Variants in INSR observed in about 807,000 individuals in gnomAD.
The protein encoded by INSR is IR.
In INSR, 67 loss-of-function variants were observed where a neutral mutation model predicts 142.6. The ratio of observed to expected loss-of-function variants is 0.47; its 90% CI spans 0.39 to 0.58. The LOEUF (loss-of-function observed/expected upper bound fraction) is 0.58, where lower values mean the gene tolerates loss of function less well. Among genes scored for constraint, INSR ranks in the 20% least tolerant of loss-of-function variants. The pLI is 0.00. For synonymous variants in INSR, 756 were observed against 743.1 expected (o/e 1.02, Z -0.28); for missense variants, 1,248 against 1,833.2 (o/e 0.68, Z 5.83).
At chr19:7,196,627 A>AT (rs1974754657) in intron 2 of INSR, among the ~76,000 whole-genome samples, 1 of 152,202 alleles carries the variant, frequency 6.6e-6, no homozygotes, top group Non-Finnish European at 1.5e-5. Flanking sequence ...AAGGTATGTG[A>AT]TAAAAAACAA....
At chr19:7,197,256 A>G (rs1974774990) in intron 2 of INSR, among the ~76,000 whole-genome samples, 1 of 152,260 alleles carries the variant, frequency 6.6e-6, no homozygotes, top group Non-Finnish European at 1.5e-5. Context: ...TAGAGGCTAG[A>G]AAGGGAACAG....
intron 2 of INSR, among the ~76,000 whole-genome samples, chr19:7,250,832 A>G (rs531304739): frequency 6.0e-4 from 91 of 152,216 alleles, no homozygotes; most frequent in African/African-American, 2.0e-3. Context: ...CAAGAGGTAG[A>G]ACCTGAGTGT....
chr19:7,271,338 A>G (rs1236211141), intron 1 of INSR, among the ~76,000 whole-genome samples: 2 of 151,894 alleles, frequency 1.3e-5, no homozygotes. Context: ...TCTACTAAAA[A>G]TACAAAAAAC....
intron 2 of INSR, among the ~76,000 whole-genome samples, chr19:7,221,327 T>C (rs1461898028): frequency 6.6e-6 from 1 of 151,080 alleles, no homozygotes; most frequent in Non-Finnish European, 1.5e-5. Flanking sequence ...TGAGCTGAGA[T>C]TGTGCCACTG....
chr19:7,240,719 T>C (rs1296462664), intron 2 of INSR, among the ~76,000 whole-genome samples: 10 of 152,170 alleles, frequency 6.6e-5, no homozygotes, highest in Non-Finnish European at 1.5e-4. Context: ...ATGATAGCAG[T>C]GGAAGAAAAT....
chr19:7,193,262 G>A (rs1019597355), intron 2 of INSR, among the ~76,000 whole-genome samples: 1 of 151,920 alleles, frequency 6.6e-6, no homozygotes, highest in Non-Finnish European at 1.5e-5. Context: ...AGGCTAAGGA[G>A]GCTAAGCCTG....
intron 9 of INSR, among the ~76,000 whole-genome samples, chr19:7,153,405 CACACTT>C: frequency 6.1e-5 from 1 of 16,458 alleles, no homozygotes; most frequent in African/African-American, 2.2e-4. Context: ...ACACCACATA[CACACTT>C]CACACACACC....
At chr19:7,265,993 T>C (rs924245922) in intron 2 of INSR, among the ~76,000 whole-genome samples, 18 of 152,140 alleles carry the variant, frequency 1.2e-4, no homozygotes, top group Non-Finnish European at 2.5e-4. Context: ...TTGCAAAAGC[T>C]ACTGAGGTAC....
intron 2 of INSR, among the ~76,000 whole-genome samples, chr19:7,234,095 G>T (rs1218796289): frequency 6.6e-6 from 1 of 151,988 alleles, no homozygotes; most frequent in African/African-American, 2.4e-5. Context: ...TAGTAGAGAT[G>T]GGGTTTCACT....
intron 11 of INSR, among the ~76,000 whole-genome samples, chr19:7,147,146 G>T (rs1366452360): frequency 1.3e-5 from 2 of 151,736 alleles, no homozygotes; most frequent in African/African-American, 4.8e-5. Context: ...TTTCTGCTTT[G>T]GCCCGATAGA....
chr19:7,290,812 C>T (rs1279064868), intron 1 of INSR, among the ~76,000 whole-genome samples: 2 of 150,702 alleles, frequency 1.3e-5, no homozygotes, highest in African/African-American at 4.9e-5. Flanking sequence ...TGGCTCACTC[C>T]TGTAATCCCA....
intron 2 of INSR, among the ~76,000 whole-genome samples, chr19:7,213,104 G>A (rs968498994): frequency 9.2e-5 from 14 of 152,082 alleles, no homozygotes; most frequent in Non-Finnish European, 1.3e-4. Context: ...CCAGCACTTT[G>A]GGAGGCCGAA....
At chr19:7,186,628 C>A (rs770217872) in intron 2 of INSR, among the ~76,000 whole-genome samples, 4 of 152,092 alleles carry the variant, frequency 2.6e-5, no homozygotes, top group Non-Finnish European at 5.9e-5. Flanking sequence ...TGAAACTCTG[C>A]CCCCATGAAA....
At chr19:7,144,019 C>A (rs1367007935) in intron 11 of INSR, among the ~76,000 whole-genome samples, 2 of 150,030 alleles carry the variant, frequency 1.3e-5, no homozygotes, top group African/African-American at 2.5e-5. Context: ...CGTGTCACTG[C>A]ACTCCAGCCT....
intron 2 of INSR, among the ~76,000 whole-genome samples, chr19:7,238,962 C>CAAAAAAAAAAAAAAAAAAAAAAAAA (rs71177185): frequency 1.3e-5 from 1 of 77,892 alleles, no homozygotes. Flanking sequence ...GATGAATTCT[C>CAAAAAAAAAAAAAAAAAAAAAAAAA]AAAAAAAAAA....
chr19:7,241,796 G>A (rs1442835216), intron 2 of INSR, among the ~76,000 whole-genome samples: 3 of 152,130 alleles, frequency 2.0e-5, no homozygotes, highest in Non-Finnish European at 1.5e-5. Context: ...TCCCCACCAC[G>A]GAGAGGGGTT....
intron 2 of INSR, among the ~76,000 whole-genome samples, chr19:7,259,827 A>G (rs1325672362): frequency 6.6e-6 from 1 of 151,786 alleles, no homozygotes; most frequent in East Asian, 1.9e-4. Flanking sequence ...TCAAAAAAAA[A>G]AAAAAGAAAA....
chr19:7,172,889 A>AAAT (rs1974052019), intron 4 of INSR, among the ~76,000 whole-genome samples: 1 of 151,576 alleles, frequency 6.6e-6, no homozygotes, highest in Non-Finnish European at 1.5e-5. Context: ...AAAAAAAAAA[A>AAAT]AAAATAGCAA....
At chr19:7,276,702 C>T (rs1443047615) in intron 1 of INSR, among the ~76,000 whole-genome samples, 2 of 151,956 alleles carry the variant, frequency 1.3e-5, no homozygotes, top group East Asian at 3.9e-4. Context: ...CTCTGCACGC[C>T]TTAGTTTCCT....
Sources: gnomAD v4.1 joint callset for allele counts (sites outside exome capture counted in the v4.1 genomes callset) on GRCh38, gnomAD v4.1.1 for gene constraint, MANE v1.5 for transcripts, NCBI Gene and HGNC (gene_info 2026-07-23, HGNC 2026-07-21) for gene names.